Variants in ATP8B4 observed in about 807,000 individuals in gnomAD.
The protein encoded by ATP8B4 is ATPase phospholipid transporting 8B4 (putative).
ATP8B4 carries 133 observed loss-of-function variants against 145.6 expected under a neutral mutation model. The observed-to-expected ratio is 0.91, with a 90% CI of 0.79 to 1.05. The LOEUF is 1.05. Among genes scored for constraint, ATP8B4 ranks in the 50% least tolerant of loss-of-function variants. ATP8B4 has a pLI of 0.00. For missense variants in ATP8B4, 1,458 were observed against 1,425.2 expected (o/e 1.02, Z -0.37); for synonymous variants, 507 against 492.9 (o/e 1.03, Z -0.38).
intron 1 of ATP8B4, among the ~76,000 whole-genome samples, chr15:50,143,810 C>CT (rs1286544419): frequency 2.6e-5 from 4 of 152,202 alleles, no homozygotes; most frequent in African/African-American, 9.6e-5. Flanking sequence ...TATATGCCCT[C>CT]TGTCTGATTT....
At position 49,923,359 on chromosome 15, in the gene ATP8B4, C is replaced by T. The variant is rs1475615214; in HGVS notation, c.1758+20G>A. ...ATGGCAAAAGGGCCATTGTGCTAAC[C>T]TTAAGACGGAGGCACTTACACTGAG... On this transcript the variant is annotated intron_variant, in intron 17 of 27. Coordinates refer to ENST00000284509, the MANE Select transcript of ATP8B4 (RefSeq NM_024837.4). The T allele has an allele frequency of 6.4e-7, 1 of 1,553,742 alleles. No homozygotes were observed. Among genetic ancestry groups the T allele is most frequent in the Non-Finnish European group, 8.9e-7 (1 of 1,126,662 alleles).
At chr15:50,015,728 T>C (rs907287651) in intron 6 of ATP8B4, among the ~76,000 whole-genome samples, 2 of 152,208 alleles carry the variant, frequency 1.3e-5, no homozygotes, top group Non-Finnish European at 1.5e-5. Context: ...AACATACAGC[T>C]TGGCCCTAAT....
chr15:49,956,185 G>A (rs1175246232), intron 14 of ATP8B4, among the ~76,000 whole-genome samples: 1 of 152,070 alleles, frequency 6.6e-6, no homozygotes, highest in African/African-American at 2.4e-5. Flanking sequence ...AAAAACATTT[G>A]ATGGGAAATA....
intron 11 of ATP8B4, 105 bp from the exon 12 acceptor site, chr15:49,979,918 G>A (rs1470199215): frequency 5.4e-6 from 4 of 736,654 alleles, no homozygotes; most frequent in Non-Finnish European, 8.4e-6. Flanking sequence ...CATTTGAAAA[G>A]CAAGTATGCA....
At chr15:50,155,576 A>C (rs1277307795) in intron 1 of ATP8B4, among the ~76,000 whole-genome samples, 1 of 152,186 alleles carries the variant, frequency 6.6e-6, no homozygotes, top group African/African-American at 2.4e-5. Flanking sequence ...TGGGTTAATT[A>C]GTATATATTT....
chr15:50,000,745 T>A (rs975246861), intron 8 of ATP8B4, among the ~76,000 whole-genome samples: 1 of 152,164 alleles, frequency 6.6e-6, no homozygotes, highest in Non-Finnish European at 1.5e-5. Context: ...TTATGGATTA[T>A]GTTTACTGTG....
intron 14 of ATP8B4, among the ~76,000 whole-genome samples, chr15:49,940,913 G>C (rs2042114526): frequency 6.6e-6 from 1 of 152,260 alleles, no homozygotes; most frequent in Non-Finnish European, 1.5e-5. Context: ...TCCTTGTCTT[G>C]CTAGAATTCA....
intron 6 of ATP8B4, among the ~76,000 whole-genome samples, chr15:50,025,379 T>C (rs2049930705): frequency 1.3e-5 from 2 of 152,198 alleles, no homozygotes. Context: ...TCTCCAGCCC[T>C]GTCTGCCCCT....
intron 6 of ATP8B4, among the ~76,000 whole-genome samples, chr15:50,038,390 G>C (rs28715770): frequency 0.054 from 8,174 of 152,232 alleles, 774 homozygotes; most frequent in African/African-American, 0.19. Flanking sequence ...TAATGTGTGA[G>C]AAGTCTCTCT....
At chr15:49,921,858 A>C (rs2040293726) in intron 17 of ATP8B4, among the ~76,000 whole-genome samples, 1 of 152,196 alleles carries the variant, frequency 6.6e-6, no homozygotes, top group Non-Finnish European at 1.5e-5. Context: ...TCAAGACCAC[A>C]ACTGGATCCC....
intron 23 of ATP8B4, among the ~76,000 whole-genome samples, chr15:49,894,650 T>TA (rs1318174373): frequency 6.6e-6 from 1 of 152,210 alleles, no homozygotes; most frequent in Non-Finnish European, 1.5e-5. Flanking sequence ...ATCAGTTCCA[T>TA]AACCGCATTT....
intron 1 of ATP8B4, among the ~76,000 whole-genome samples, chr15:50,138,090 G>T (rs1454483143): frequency 6.6e-6 from 1 of 152,164 alleles, no homozygotes; most frequent in Non-Finnish European, 1.5e-5. Context: ...ACCACATTGG[G>T]ATAGCTTGTC....
At chr15:49,962,050 T>C in intron 13 of ATP8B4, 30 bp from the exon 14 acceptor site, 1 of 1,537,396 alleles carries the variant, frequency 6.5e-7, no homozygotes, top group Non-Finnish European at 8.8e-7. Context: ...GAATTAAAAG[T>C]AAGTGAAACC....
At chr15:49,983,067 A>C (rs1567138628) in intron 10 of ATP8B4, among the ~76,000 whole-genome samples, 1 of 151,964 alleles carries the variant, frequency 6.6e-6, no homozygotes, top group Non-Finnish European at 1.5e-5. Context: ...AATCCTTAAG[A>C]CTCAGGCATA....
intron 6 of ATP8B4, among the ~76,000 whole-genome samples, chr15:50,016,211 A>G (rs1248489339): frequency 6.6e-6 from 1 of 152,218 alleles, no homozygotes; most frequent in Non-Finnish European, 1.5e-5. Context: ...TCATTTTCCT[A>G]AACTGAAACC....
chr15:49,994,926 T>C (rs574234544), intron 9 of ATP8B4, among the ~76,000 whole-genome samples: 12 of 152,224 alleles, frequency 7.9e-5, no homozygotes, highest in African/African-American at 1.7e-4. Flanking sequence ...TTAAAAACCA[T>C]TGTGTCTCTT....
At chr15:50,164,278 GC>G (rs1229903089) in intron 1 of ATP8B4, among the ~76,000 whole-genome samples, 3 of 152,184 alleles carry the variant, frequency 2.0e-5, no homozygotes, top group Non-Finnish European at 4.4e-5. Flanking sequence ...CTCACCCAAG[GC>G]CCACAGCAAA....
At position 50,094,708 on chromosome 15, in the gene ATP8B4, A is replaced by ATAT. The variant is rs1567349925; in HGVS notation, c.28+12230_28+12231insATA. Among the ~76,000 whole-genome samples, 4 of 100,714 alleles carry ATAT rather than the reference A, an allele frequency of 4.0e-5. No individual in the cohort carries two copies. In the East Asian group the frequency reaches 8.7e-4, roughly 22 times the overall value. 66.1% of individuals were successfully genotyped at this position (100,714 alleles called of 152,430 possible). A position where few individuals can be genotyped will look rare whatever the true frequency, so the allele number is the denominator to read the frequency against. On this transcript the variant is annotated intron_variant, in intron 2 of 27. Coordinates refer to ENST00000284509, the MANE Select transcript of ATP8B4 (RefSeq NM_024837.4). ...TATATATGTGTGTGTGTATATATAT[A>ATAT]CTACTATATATATATATATACACAC...
chr15:49,960,020 A>G (rs2043924832), intron 14 of ATP8B4, among the ~76,000 whole-genome samples: 1 of 147,474 alleles, frequency 6.8e-6, no homozygotes, highest in Non-Finnish European at 1.5e-5. Context: ...GAGCCTTGTC[A>G]ATAATTTTTT....
Sources: allele counts gnomAD v4.1 joint callset (sites outside exome capture counted in the v4.1 genomes callset), GRCh38; gene constraint gnomAD v4.1.1; transcripts MANE v1.5; gene names NCBI Gene and HGNC (gene_info 2026-07-23, HGNC 2026-07-21).